CRAMP1: variants seen among roughly 807,000 people sequenced by gnomAD.
CRAMP1 encodes the protein protein cramped-like.
CRAMP1 carries 50 observed loss-of-function variants against 115.4 expected under a neutral mutation model. The ratio of observed to expected loss-of-function variants is 0.43; its 90% CI spans 0.35 to 0.55. The LOEUF is 0.55. Ranked by LOEUF, CRAMP1 falls within the 20% of genes least tolerant of loss-of-function variation. The pLI is 0.01. For missense variants in CRAMP1, 1,679 were observed against 1,721.7 expected (o/e 0.98, Z 0.44); for synonymous variants, 866 against 745.4 (o/e 1.16, Z -2.64).
rs761308875 is a variant in CRAMP1, at chr16:1,655,214, C to G, written c.1038-5C>G. ...CTCACTTCCTCCTGTCTGTCGTCTC[C>G]GTAGGATGATCGTGGAGCTACATCG... On this transcript the variant is annotated splice_region_variant and splice_polypyrimidine_tract_variant and intron_variant, in intron 8 of 20. Coordinates refer to ENST00000397412, the MANE Select transcript of CRAMP1 (RefSeq NM_020825.4). The G allele has an allele frequency of 6.2e-7, 1 of 1,612,884 alleles. No homozygotes were observed. The highest frequency in any genetic ancestry group is 1.3e-5 in the African/African-American group (1 of 74,922).
intron 10 of CRAMP1, among the ~76,000 whole-genome samples, chr16:1,657,979 G>A (rs909305223): frequency 5.3e-5 from 8 of 152,120 alleles, no homozygotes; most frequent in African/African-American, 1.2e-4. Flanking sequence ...GGGGGGACTC[G>A]GGACTCGGGC....
In CRAMP1 at chr16:1,664,930, C is replaced by T. The variant is rs537075105; in HGVS notation, c.2671-127C>T. ...AGCAGTCCCAGGTACCCTGTGTCATCGGCTCTGGAAAAAGCCCCACCTGGC... is the reference window on the plus strand; with the variant it reads ...AGCAGTCCCAGGTACCCTGTGTCATTGGCTCTGGAAAAAGCCCCACCTGGC... On this transcript the variant is annotated intron_variant, in intron 13 of 20. Transcript: ENST00000397412. The T allele has an allele frequency of 8.3e-5, 57 of 690,004 alleles. No individual in the cohort carries two copies. The East Asian group carries it at 1.2e-3, about 15-fold the overall frequency. 42.7% of individuals were successfully genotyped at this position (690,004 alleles called of 1,614,324 possible). A position where few individuals can be genotyped will look rare whatever the true frequency, so the allele number is the denominator to read the frequency against.
chr16:1,619,599 C>T lies in CRAMP1; in HGVS notation c.346+4614C>T, dbSNP rs1275347551. 2.6e-5 allele frequency among the ~76,000 whole-genome samples: 4 copies of T among 152,330 alleles called. No individual in the cohort carries two copies. The South Asian group carries it at 8.3e-4, about 32-fold the overall frequency. On this transcript the variant is annotated intron_variant, in intron 2 of 20. Coordinates refer to ENST00000397412, the MANE Select transcript of CRAMP1 (RefSeq NM_020825.4). ...TACCTACAGGATACAATTAGAAAATCTGCTGGTATTTCATGAAGAGGGCAT... is the reference window on the plus strand; with the variant it reads ...TACCTACAGGATACAATTAGAAAATTTGCTGGTATTTCATGAAGAGGGCAT...
chr16:1,646,607 T>G (rs2036676348), intron 6 of CRAMP1, among the ~76,000 whole-genome samples: 1 of 152,258 alleles, frequency 6.6e-6, no homozygotes, highest in Non-Finnish European at 1.5e-5. Context: ...TCTCCTAGAC[T>G]GTGGCCTGTC....
chr16:1,667,534 C>T (rs1269739747), intron 17 of CRAMP1, 134 bp downstream of exon 17: 27 of 713,874 alleles, frequency 3.8e-5, no homozygotes, highest in Non-Finnish European at 3.9e-5. Flanking sequence ...TGTTCTTCCA[C>T]CTGCTGTGCC....
chr16:1,638,486 C>G (rs2036606419), intron 5 of CRAMP1, among the ~76,000 whole-genome samples: 1 of 152,124 alleles, frequency 6.6e-6, no homozygotes, highest in African/African-American at 2.4e-5. Context: ...TCACGCAGGC[C>G]CTTGCTTGGA....
At chr16:1,621,346 C>CGT (rs2036464488) in intron 2 of CRAMP1, among the ~76,000 whole-genome samples, 1 of 152,220 alleles carries the variant, frequency 6.6e-6, no homozygotes, top group African/African-American at 2.4e-5. Flanking sequence ...CTCACTGCAC[C>CGT]GTCTGCACAG....
At chr16:1,636,161 A>G (rs1420826527) in intron 4 of CRAMP1, among the ~76,000 whole-genome samples, 1 of 152,158 alleles carries the variant, frequency 6.6e-6, no homozygotes, top group African/African-American at 2.4e-5. Context: ...ACCTGAGGTC[A>G]AGAGTTTGAG....
At chr16:1,673,423 C>T (rs1325097557) in intron 20 of CRAMP1, among the ~76,000 whole-genome samples, 1 of 152,234 alleles carries the variant, frequency 6.6e-6, no homozygotes, top group Non-Finnish European at 1.5e-5. Context: ...ATGATGGAAA[C>T]GTGTCCCCCA....
Position 1,656,087 on chromosome 16 carries a change from C to T in CRAMP1, c.1330C>T (p.Pro444Ser), listed in dbSNP as rs534427089. 1 of 1,610,100 alleles carries T rather than the reference C, an allele frequency of 6.2e-7. No homozygotes were observed. Among genetic ancestry groups the T allele is most frequent in the Non-Finnish European group, 8.5e-7 (1 of 1,178,932 alleles). ...TGCCAAGGACGCCCACGTGCTGCCCCCAGCCCAGATCCTGGGCATCCAGAG... is the reference window on the plus strand; with the variant it reads ...TGCCAAGGACGCCCACGTGCTGCCCTCAGCCCAGATCCTGGGCATCCAGAG... The part of the protein sequence containing the change: ...QSAKDAHVLP[P>S]AQILGIQSGQ... The change falls in exon 10 of 21, where the codon CCA becomes TCA. Residue 444 changes from proline to serine, a missense_variant. This residue lies in a region of CRAMP1 where 191 missense variants were observed against 236.2 expected (regional missense o/e 0.81). Transcript: ENST00000397412. This position sits in a 1 kb window ranked among gnomAD's most constrained non-coding sequence, Gnocchi z 5.6.
rs2036973115 is a variant in CRAMP1 at position 1,676,873 on chromosome 16, G to A, written c.*2828G>A. On this transcript the variant is annotated 3_prime_UTR_variant, in exon 21 of 21. Transcript: ENST00000397412. ...GTAGGGTGCCAGCTCAGGGAGTGGG[G>A]TGTTGGCGGCGTTTCCGCGGTTGGC... 1 of 152,308 alleles carries A rather than the reference G, an allele frequency of 6.6e-6. No individual in the cohort carries two copies. The highest frequency in any genetic ancestry group is 2.4e-5 in the African/African-American group (1 of 41,466). 9.4% of individuals were successfully genotyped at this position (152,308 alleles called of 1,614,324 possible).
chr16:1,657,624 G>A (rs1324697762), intron 10 of CRAMP1, among the ~76,000 whole-genome samples: 3 of 152,186 alleles, frequency 2.0e-5, no homozygotes, highest in Non-Finnish European at 4.4e-5. Context: ...GTGGAGCTGG[G>A]GACCAGACAG....
chr16:1,649,092 ATGT>A (rs983747972), intron 6 of CRAMP1, among the ~76,000 whole-genome samples: 44 of 152,128 alleles, frequency 2.9e-4, no homozygotes, highest in African/African-American at 9.9e-4. Flanking sequence ...TCAGTACAAC[ATGT>A]TGTTCTCTGG....
chr16:1,644,380 C>G (rs1036678550), intron 6 of CRAMP1, among the ~76,000 whole-genome samples: 2 of 152,198 alleles, frequency 1.3e-5, no homozygotes, highest in African/African-American at 4.8e-5. Flanking sequence ...GTCTGGGTGC[C>G]TGTGTGTGCC....
At chr16:1,629,227 C>A (rs1010917368) in intron 3 of CRAMP1, among the ~76,000 whole-genome samples, 1 of 152,186 alleles carries the variant, frequency 6.6e-6, no homozygotes, top group African/African-American at 2.4e-5. Flanking sequence ...TCAGCTCTGG[C>A]CTCTGTGCTT....
chr16:1,662,545 C>G lies in CRAMP1; in HGVS notation c.2469C>G (p.Ser823Arg). The G allele has an allele frequency of 6.2e-7, 1 of 1,613,974 alleles. No individual in the cohort carries two copies. The highest frequency in any genetic ancestry group is 8.5e-7 in the Non-Finnish European group (1 of 1,179,852). The change falls in exon 12 of 21, where the codon AGC becomes AGG. Residue 823 changes from serine to arginine, a missense_variant. Ser to Arg is a moderately radical substitution (Grantham distance 110, BLOSUM62 -1). Transcript: ENST00000397412. ...TGCCTGGTCCCTCCAGCACAGGAAG[C>G]AATGACTCAGATGGAGGCCTTTTTG... ...LLVPGPSSTG[S>R]NDSDGGLFAV...
Position 1,626,223 on chromosome 16 carries a change from C to T in CRAMP1, c.540+57C>T, listed in dbSNP as rs545342756. ...CCTGGGCGTCCCTCTCGGATCCCTG[C>T]CCTCCGTTCCCCGTGCTTCCTCTTT... On this transcript the variant is annotated intron_variant, in intron 3 of 20. Coordinates refer to ENST00000397412, the MANE Select transcript of CRAMP1 (RefSeq NM_020825.4). The T allele has an allele frequency of 1.9e-5, 26 of 1,376,658 alleles. No homozygotes were observed. In the African/African-American group the frequency reaches 3.1e-4, roughly 16 times the overall value. The allele number at this position is 1,376,658 out of a possible 1,614,324, so 85.3% of individuals were successfully genotyped here. A position where few individuals can be genotyped will look rare whatever the true frequency, so the allele number is the denominator to read the frequency against.
chr16:1,641,948 C>T (rs2036636418), intron 6 of CRAMP1, among the ~76,000 whole-genome samples: 1 of 152,196 alleles, frequency 6.6e-6, no homozygotes, highest in Admixed American at 6.5e-5. Flanking sequence ...AGTGCACAGC[C>T]TGGTGGGGTT....
Position 1,656,086 on chromosome 16 carries a change from C to T in CRAMP1, c.1329C>T (p.Pro443=), listed in dbSNP as rs761403641. The part of the protein sequence containing the change: ...KQSAKDAHVL[P]PAQILGIQSG... ...GTGCCAAGGACGCCCACGTGCTGCC[C>T]CCAGCCCAGATCCTGGGCATCCAGA... Residue 443 remains proline (P), a synonymous_variant, in exon 10 of 21, where the codon CCC becomes CCT. Transcript: ENST00000397412. The surrounding 1 kb of genome is among the most constrained non-coding windows in gnomAD (Gnocchi z 5.6). The T allele has an allele frequency of 6.8e-6, 11 of 1,609,932 alleles. No homozygotes were observed. Among genetic ancestry groups the T allele is most frequent in the Non-Finnish European group, 2.5e-6 (3 of 1,178,914 alleles).
Sources: gnomAD v4.1 joint callset for allele counts (sites outside exome capture counted in the v4.1 genomes callset) on GRCh38, gnomAD v4.1.1 for gene constraint, gnomAD v4.1.1 regional missense constraint, Gnocchi (gnomAD v3.1) non-coding constraint, MANE v1.5 for transcripts, NCBI Gene and HGNC (gene_info 2026-07-23, HGNC 2026-07-21) for gene names.